MAP4K2: variants seen among roughly 807,000 people sequenced by gnomAD.
MAP4K2 encodes mitogen-activated protein kinase kinase kinase kinase 2.
A neutral mutation model predicts 125.3 loss-of-function variants in MAP4K2; 85 were observed. That is an observed-to-expected ratio of 0.68 (90% CI 0.57 to 0.81). The LOEUF (loss-of-function observed/expected upper bound fraction) is 0.81, where lower values mean the gene tolerates loss of function less well. Ranked by LOEUF, MAP4K2 falls within the 40% of genes least tolerant of loss-of-function variation. The pLI is 0.00. For missense variants in MAP4K2, 923 were observed against 1,056.4 expected (o/e 0.87, Z 1.75); for synonymous variants, 479 against 445.1 (o/e 1.08, Z -0.96).
intron 10 of MAP4K2, 99 bp downstream of exon 10, chr11:64,800,665 C>CAGGGCT (rs1941107448): frequency 6.7e-7 from 1 of 1,487,716 alleles, no homozygotes; most frequent in South Asian, 1.2e-5. Flanking sequence ...CCAGAAAGGA[C>CAGGGCT]AGGGCTCTTG....
At chr11:64,793,557 C>A (rs542777219) in intron 24 of MAP4K2, among the ~76,000 whole-genome samples, 5 of 152,102 alleles carry the variant, frequency 3.3e-5, no homozygotes, top group Non-Finnish European at 5.9e-5. Flanking sequence ...GGGAATGGGG[C>A]TTCCTGTCAG....
intron 5 of MAP4K2, 25 bp downstream of exon 5, chr11:64,802,026 CTGGAGACCAGAGGTG>C (rs750021194): frequency 6.3e-7 from 1 of 1,596,264 alleles, no homozygotes; most frequent in African/African-American, 1.3e-5. Context: ...CCCACAGCTT[CTGGAGACCAGAGGTG>C]TGGGCACCTC....
chr11:64,798,753 C>T (rs372463039), intron 15 of MAP4K2, 41 bp downstream of exon 15: 257 of 1,611,402 alleles, frequency 1.6e-4, no homozygotes, highest in East Asian at 7.2e-4. Context: ...GCCTTTCTGC[C>T]GCCCCTGCCA....
chr11:64,802,821 C>T (rs1192199368), intron 2 of MAP4K2, 64 bp downstream of exon 2: 3 of 1,542,950 alleles, frequency 1.9e-6, no homozygotes, highest in Non-Finnish European at 2.6e-6. Flanking sequence ...ACCCTCCGCC[C>T]GCACCCCGCG....
chr11:64,800,253 CT>C (rs772461900), intron 11 of MAP4K2, 37 bp from the exon 12 acceptor site: 1 of 1,612,552 alleles, frequency 6.2e-7, no homozygotes, highest in Admixed American at 1.7e-5. Context: ...AGGTTGGCCC[CT>C]GATCCAGGGC....
intron 30 of MAP4K2, 46 bp downstream of exon 30, chr11:64,789,843 A>G: frequency 6.2e-7 from 1 of 1,613,970 alleles, no homozygotes; most frequent in Non-Finnish European, 8.5e-7. Context: ...CCAAAGAGGT[A>G]GGGACCACAA....
rs1458501535 is a variant in MAP4K2, at chr11:64,791,939, C to T, written c.2062G>A (p.Gly688Ser). 6.2e-7 allele frequency: 1 copy of T among 1,602,172 alleles called. No homozygotes were observed. The highest frequency in any genetic ancestry group is 1.7e-5 in the Admixed American group (1 of 58,808). The change falls in exon 27 of 32, where the codon GGC (glycine) becomes AGC (serine). Residue 688 changes from glycine to serine, a missense_variant. Physicochemically the swap from Gly to Ser is moderately conservative, Grantham distance 56 (BLOSUM62 0). Transcript: ENST00000294066. ...GGGATGAGGATGTCGGGCGTCAGGC[C>T]AGCCTCCAGGGGCAGGACATGGAAC... ...VLFHVLPLEA[G>S]LTPDILIPPE...
intron 27 of MAP4K2, among the ~76,000 whole-genome samples, chr11:64,790,818 T>C (rs1234132308): frequency 6.6e-6 from 1 of 152,164 alleles, no homozygotes; most frequent in Admixed American, 6.5e-5. Context: ...GGCACTGCCT[T>C]GAGAGGCTAT....
chr11:64,802,852 C>T (rs944673611), intron 2 of MAP4K2, 33 bp downstream of exon 2: 3 of 1,589,576 alleles, frequency 1.9e-6, no homozygotes, highest in African/African-American at 2.7e-5. Flanking sequence ...CTCTGCCCTT[C>T]CTCTGGCGCA....
Position 64,796,887 on chromosome 11 carries a change from C to A in MAP4K2, c.1414G>T (p.Ala472Ser). The A allele has an allele frequency of 6.2e-7, 1 of 1,613,922 alleles. No individual in the cohort carries two copies. The highest frequency in any genetic ancestry group is 8.5e-7 in the Non-Finnish European group (1 of 1,180,032). The change falls in exon 21 of 32, where the codon GCC becomes TCC. Residue 472 changes from alanine (A) to serine (S), a missense_variant. Physicochemically the swap from Ala to Ser is moderately conservative, Grantham distance 99. Around this residue, in one of 2 missense-constraint regions of MAP4K2, gnomAD observed 833 missense variants for 911.4 expected, o/e 0.91. Coordinates refer to ENST00000294066, the MANE Select transcript of MAP4K2 (RefSeq NM_004579.5). Reference protein sequence around the residue: ...LPPTPKVHMGACFSKVFNGCP... With the variant: ...LPPTPKVHMGSCFSKVFNGCP... ...CCATTGAAGACCTTGGAGAAGCAGG[C>A]GCCCATCTGCAGAGGAGGCAAGAGG...
Position 64,800,188 on chromosome 11 carries a change from C to T in MAP4K2, c.836G>A (p.Arg279Gln), listed in dbSNP as rs141134010. The T allele has an allele frequency of 8.7e-6, 14 of 1,612,930 alleles. No homozygotes were observed. The highest frequency in any genetic ancestry group is 1.7e-4 in the Middle Eastern group (1 of 5,976). Residue 279 changes from arginine (R) to glutamine (Q), a missense_variant, in exon 12 of 32, where the codon CGG (arginine) becomes CAG (glutamine). This residue lies in a region of MAP4K2 where 833 missense variants were observed against 911.4 expected (regional missense o/e 0.91). Coordinates refer to ENST00000294066, the MANE Select transcript of MAP4K2 (RefSeq NM_004579.5). ...GTCCAGCAGCTGTGTGAGGAGGGCC[C>T]GAGGGAGCTGCTGAGTCGTGAACGG... ...QHPFTTQQLP[R>Q]ALLTQLLDKA...
At position 64,789,134 on chromosome 11, in the gene MAP4K2, G is replaced by T; in HGVS notation, c.*403C>A. On this transcript the variant is annotated 3_prime_UTR_variant, in exon 32 of 32. Transcript: ENST00000294066. The stretch of plus-strand genomic sequence containing the variant: ...CTCCCCCTACCCAGAGGGACCAGAG[G>T]ACTAAAACAAACCAGCTTTAATACC... 4.5e-6 allele frequency: 1 copy of T among 223,682 alleles called. No homozygotes were observed. Among genetic ancestry groups the T allele is most frequent in the Non-Finnish European group, 9.0e-6 (1 of 110,830 alleles). The allele number at this position is 223,682 out of a possible 1,614,324, so 13.9% of individuals were successfully genotyped here.
intron 27 of MAP4K2, among the ~76,000 whole-genome samples, chr11:64,790,696 C>T (rs931400051): frequency 5.9e-5 from 9 of 152,126 alleles, no homozygotes; most frequent in African/African-American, 1.7e-4. Context: ...CGGGGAGCCA[C>T]GGGAGGGCTC....
In MAP4K2 at chr11:64,796,614, C is replaced by G. The variant is rs370870286; in HGVS notation, c.1572+20G>C. The G allele has an allele frequency of 3.7e-6, 6 of 1,613,944 alleles. No individual in the cohort carries two copies. The highest frequency in any genetic ancestry group is 2.2e-5 in the South Asian group (2 of 91,092). ...AGGCCCCCACAAGGCCTCTGCCCCCCACAGCCAGCCGGGCCTCACCTTCTC... is the reference window on the plus strand; with the variant it reads ...AGGCCCCCACAAGGCCTCTGCCCCCGACAGCCAGCCGGGCCTCACCTTCTC... On this transcript the variant is annotated intron_variant, in intron 22 of 31. Coordinates refer to ENST00000294066, the MANE Select transcript of MAP4K2 (RefSeq NM_004579.5).
intron 7 of MAP4K2, 26 bp downstream of exon 7, chr11:64,801,553 C>T (rs1941167836): frequency 2.5e-6 from 4 of 1,613,668 alleles, no homozygotes; most frequent in South Asian, 1.1e-5. Flanking sequence ...GAGCCCTCAC[C>T]CTGATGGTGT....
At position 64,796,839 on chromosome 11, in the gene MAP4K2, C is replaced by T. The variant is rs758586431; in HGVS notation, c.1462G>A (p.Ala488Thr). 1.9e-5 allele frequency: 31 copies of T among 1,613,684 alleles called. No individual in the cohort carries two copies. Among genetic ancestry groups the T allele is most frequent in the Non-Finnish European group, 2.5e-5 (30 of 1,180,046 alleles). The change falls in exon 21 of 32, where the codon GCT becomes ACT. Residue 488 changes from alanine to threonine, a missense_variant. By Grantham distance (58) the Ala-to-Thr change is moderately conservative. This residue lies in a region of MAP4K2 where 833 missense variants were observed against 911.4 expected (regional missense o/e 0.91). Transcript: ENST00000294066. ...FNGCPLRIHAAVTWIHPVTRD... is the reference protein window; with the variant it reads ...FNGCPLRIHATVTWIHPVTRD... ...GTAACAGGGTGAATCCAGGTGACAG[C>T]AGCGTGGATCCGCAGGGGGCAGCCA...
chr11:64,799,516 G>A (rs1941029768), intron 13 of MAP4K2, 37 bp from the exon 14 acceptor site: 2 of 1,611,936 alleles, frequency 1.2e-6, no homozygotes, highest in East Asian at 4.5e-5. Context: ...AGGAGCTGGA[G>A]TCTCAGGATG....
chr11:64,799,829 G>A (rs1271203590), intron 12 of MAP4K2, 146 bp from the exon 13 acceptor site: 1 of 682,366 alleles, frequency 1.5e-6, no homozygotes, highest in Non-Finnish European at 2.5e-6. Context: ...CCACTTCACA[G>A]ATGAGAGAAC....
chr11:64,790,922 G>A (rs1188244825), intron 27 of MAP4K2, among the ~76,000 whole-genome samples: 2 of 151,968 alleles, frequency 1.3e-5, no homozygotes, highest in Non-Finnish European at 2.9e-5. Flanking sequence ...GATCACCTGA[G>A]ATCAGGTGTT....
Sources: gnomAD v4.1 joint callset for allele counts (sites outside exome capture counted in the v4.1 genomes callset) on GRCh38, gnomAD v4.1.1 for gene constraint, gnomAD v4.1.1 regional missense constraint, MANE v1.5 for transcripts, NCBI Gene and HGNC (gene_info 2026-07-23, HGNC 2026-07-21) for gene names.